MYH2: variants seen among roughly 807,000 people sequenced by gnomAD.
MYH2 encodes the protein myosin-2.
In MYH2, 139 loss-of-function variants were observed where a neutral mutation model predicts 228.1. The ratio of observed to expected loss-of-function variants is 0.61; its 90% CI spans 0.53 to 0.70. The LOEUF (loss-of-function observed/expected upper bound fraction) is 0.70, where lower values mean the gene tolerates loss of function less well. Ranked by LOEUF, MYH2 falls within the 30% of genes least tolerant of loss-of-function variation. The pLI is 0.00. For missense variants in MYH2, 1,809 were observed against 2,357.5 expected, an observed-to-expected ratio of 0.77 and a Z score of 4.82; for synonymous variants, 796 against 871.1, an observed-to-expected ratio of 0.91 and a Z score of 1.52.
At chr17:10,531,912 A>G in intron 21 of MYH2, 24 bp from the exon 22 acceptor site, 1 of 1,613,642 alleles carries the variant, frequency 6.2e-7, no homozygotes. Flanking sequence ...GATGCAAATT[A>G]GTATTGTGTG....
rs1330607394 is a variant in MYH2, at chr17:10,540,057, C to T, written c.1018G>A (p.Asp340Asn). The part of the protein sequence containing the change: ...EELMATDSAI[D>N]ILGFTNEEKV... The stretch of plus-strand genomic sequence containing the variant: ...TCTTCATTAGTAAAGCCCAAAATAT[C>T]AATAGCACTCTGTCAATATAACCAA... The change falls in exon 12 of 40, where the codon GAT (aspartate) becomes AAT (asparagine). Residue 340 changes from aspartate to asparagine, a missense_variant. Asp to Asn is a conservative substitution (Grantham distance 23, BLOSUM62 1). This residue lies in a region of MYH2 where 373 missense variants were observed against 620.4 expected (regional missense o/e 0.60). Coordinates refer to ENST00000245503, the MANE Select transcript of MYH2 (RefSeq NM_017534.6). 2 of 1,613,976 alleles carry T rather than the reference C, an allele frequency of 1.2e-6. No individual in the cohort carries two copies. Among genetic ancestry groups the T allele is most frequent in the South Asian group, 2.2e-5 (2 of 91,078 alleles).
intron 4 of MYH2, among the ~76,000 whole-genome samples, chr17:10,546,065 C>G (rs2073625013): frequency 6.6e-6 from 1 of 151,366 alleles, no homozygotes; most frequent in African/African-American, 2.4e-5. Flanking sequence ...TAAGATAATT[C>G]AAATTTATGA....
rs1321517422 is a variant in MYH2 at position 10,526,774 on chromosome 17, C to T, written c.4012G>A (p.Ala1338Thr). The change falls in exon 30 of 40, where the codon GCC (alanine) becomes ACC (threonine). Residue 1338 changes from alanine to threonine, a missense_variant. Physicochemically the swap from Ala to Thr is moderately conservative, Grantham distance 58 (BLOSUM62 0). This residue lies in a region of MYH2 where 636 missense variants were observed against 729.9 expected (regional missense o/e 0.87). Transcript: ENST00000245503. ...CAGTCGTGGCGGGAAGACTGCAGGG[C>T]ATGCGCCAGGGCGTTCTTGGCCTAT... ...EIKAKNALAHALQSSRHDCDL... is the reference protein window; with the variant it reads ...EIKAKNALAHTLQSSRHDCDL... The T allele has an allele frequency of 6.2e-7, 1 of 1,614,120 alleles. No homozygotes were observed. Among genetic ancestry groups the T allele is most frequent in the African/African-American group, 1.3e-5 (1 of 74,938 alleles).
At chr17:10,533,674 G>T in intron 19 of MYH2, 42 bp from the exon 20 acceptor site, 1 of 1,604,536 alleles carries the variant, frequency 6.2e-7, no homozygotes, top group South Asian at 1.1e-5. Context: ...GTTTACTGAT[G>T]ACACAAATGC....
At chr17:10,542,071 C>T (rs559796978) in intron 10 of MYH2, among the ~76,000 whole-genome samples, 13 of 152,270 alleles carry the variant, frequency 8.5e-5, no homozygotes, top group Middle Eastern at 3.4e-3. Flanking sequence ...GTCAGGAGTT[C>T]GAGACCAGCC....
Position 10,528,688 on chromosome 17 carries a change from A to G in MYH2, c.3744+2T>C, listed in dbSNP as rs761825434. On this transcript the variant is annotated splice_donor_variant, in intron 27 of 39. Transcript: ENST00000245503. LOFTEE classifies it high-confidence loss of function. ...ATAACAATTTCCCAGAATTTGTAGT[A>G]CCTTGGCTTTGGAGACCGTTTCTAC... The G allele has an allele frequency of 2.1e-5, 34 of 1,613,900 alleles. No individual in the cohort carries two copies. The highest frequency in any genetic ancestry group is 2.8e-5 in the Non-Finnish European group (33 of 1,179,912).
At chr17:10,526,492 C>T (rs932952908) in intron 30 of MYH2, 107 bp downstream of exon 30, 5 of 1,540,564 alleles carry the variant, frequency 3.2e-6, no homozygotes, top group Non-Finnish European at 4.5e-6. Context: ...CACATAAAAG[C>T]AGATTAATGA....
intron 21 of MYH2, among the ~76,000 whole-genome samples, chr17:10,532,557 T>C (rs930597442): frequency 6.6e-6 from 1 of 152,204 alleles, no homozygotes; most frequent in Non-Finnish European, 1.5e-5. Context: ...TAAAATGGAA[T>C]ATAGTTGAAA....
rs749188513 is a variant in MYH2 at position 10,523,569 on chromosome 17, T to G, written c.5399A>C (p.Gln1800Pro). 6.2e-7 allele frequency: 1 copy of G among 1,614,230 alleles called. No individual in the cohort carries two copies. Residue 1800 changes from glutamine (Q) to proline (P), a missense_variant, in exon 37 of 40, where the codon CAG (glutamine) becomes CCG (proline). This residue lies in a region of MYH2 where 278 missense variants were observed against 308.5 expected (regional missense o/e 0.90). Transcript: ENST00000245503. Reference sequence around the variant, plus strand: ...CTGCTCAGCCTCATCCAGACGGAGCTGCAGATCCTTCACGGTCTGCTCCAT... The same window carrying G: ...CTGCTCAGCCTCATCCAGACGGAGCGGCAGATCCTTCACGGTCTGCTCCAT... ...KNMEQTVKDLQLRLDEAEQLA... is the reference protein window; with the variant it reads ...KNMEQTVKDLPLRLDEAEQLA...
intron 28 of MYH2, 63 bp from the exon 29 acceptor site, chr17:10,527,119 TAGAA>T: frequency 4.7e-6 from 7 of 1,477,450 alleles, no homozygotes; most frequent in Admixed American, 3.3e-5. Context: ...AAGCCCATGT[TAGAA>T]AGAAATTTTG....
Position 10,547,728 on chromosome 17 carries a change from C to T in MYH2, c.193G>A (p.Glu65Lys), listed in dbSNP as rs767472238. 6.2e-7 allele frequency: 1 copy of T among 1,614,232 alleles called. No homozygotes were observed. The highest frequency in any genetic ancestry group is 8.5e-7 in the Non-Finnish European group (1 of 1,180,042). Residue 65 changes from glutamate (E) to lysine (K), a missense_variant, in exon 3 of 40, where the codon GAG becomes AAG. Glu to Lys is a moderately conservative substitution (Grantham distance 56). Around this residue, in one of 9 missense-constraint regions of MYH2, gnomAD observed 84 missense variants for 81.8 expected, o/e 1.03. Transcript: ENST00000245503. ...REGGKVTVKT[E>K]GGATLTVKDD... ...GGGATTCTACTCACCGCTCCTCCCTCAGTCTTCACCGTCACTTTTCCTCCT... is the reference window on the plus strand; with the variant it reads ...GGGATTCTACTCACCGCTCCTCCCTTAGTCTTCACCGTCACTTTTCCTCCT...
At chr17:10,534,796 A>G (rs1203400941) in intron 19 of MYH2, among the ~76,000 whole-genome samples, 1 of 152,186 alleles carries the variant, frequency 6.6e-6, no homozygotes, top group African/African-American at 2.4e-5. Context: ...ATATGCCTGT[A>G]GTCCCAGCTA....
chr17:10,530,820 G>C (rs1207803902), intron 22 of MYH2, among the ~76,000 whole-genome samples: 2 of 152,080 alleles, frequency 1.3e-5, no homozygotes, highest in African/African-American at 2.4e-5. Flanking sequence ...GAGAATACAG[G>C]GTAGATTTGG....
rs922222222 is a variant in MYH2 at position 10,545,264 on chromosome 17, G to A, written c.505+82C>T. 5.0e-6 allele frequency: 8 copies of A among 1,606,136 alleles called. No homozygotes were observed. In the East Asian group the frequency reaches 1.3e-4, roughly 27 times the overall value. ...ACTAAAAGGGACGATCTCAAGGAATGTGTTGAGATTGCCTCGAGTCTCTTT... is the reference window on the plus strand; with the variant it reads ...ACTAAAAGGGACGATCTCAAGGAATATGTTGAGATTGCCTCGAGTCTCTTT... On this transcript the variant is annotated intron_variant, in intron 5 of 39. Transcript: ENST00000245503.
chr17:10,539,287 C>A lies in MYH2; in HGVS notation c.1334G>T (p.Arg445Leu), dbSNP rs201040489. The A allele has an allele frequency of 6.2e-7, 1 of 1,614,192 alleles. No homozygotes were observed. The highest frequency in any genetic ancestry group is 8.5e-7 in the Non-Finnish European group (1 of 1,180,038). Reference protein sequence around the residue: ...YEKMFLWMVARINQQLDTKQP... With the variant: ...YEKMFLWMVALINQQLDTKQP... Reference sequence around the variant, plus strand: ...CTTGGTGTCCAGCTGCTGGTTGATGCGGGCAACCATCCACAGGAACATCTT... The same window carrying A: ...CTTGGTGTCCAGCTGCTGGTTGATGAGGGCAACCATCCACAGGAACATCTT... The change falls in exon 14 of 40, where the codon CGC (arginine) becomes CTC (leucine). Residue 445 changes from arginine (R) to leucine (L), a missense_variant. By Grantham distance (102) the Arg-to-Leu change is moderately radical (BLOSUM62 -2). Around this residue, in one of 9 missense-constraint regions of MYH2, gnomAD observed 373 missense variants for 620.4 expected, o/e 0.60. Coordinates refer to ENST00000245503, the MANE Select transcript of MYH2 (RefSeq NM_017534.6).
At chr17:10,522,948 C>T (rs1008327506) in intron 39 of MYH2, 142 bp downstream of exon 39, 9 of 662,496 alleles carry the variant, frequency 1.4e-5, no homozygotes, top group Non-Finnish European at 2.1e-5. Flanking sequence ...ACTGATATTA[C>T]AAATGATACA....
intron 16 of MYH2, 124 bp from the exon 17 acceptor site, chr17:10,536,730 C>T: frequency 1.2e-6 from 1 of 849,382 alleles, no homozygotes; most frequent in Non-Finnish European, 1.9e-6. Flanking sequence ...TCTGATTGAG[C>T]CTGAATGAAT....
At position 10,537,942 on chromosome 17, in the gene MYH2, G is replaced by C. The variant is rs967251154; in HGVS notation, c.1417-107C>G. On this transcript the variant is annotated intron_variant, in intron 14 of 39. Transcript: ENST00000245503. The surrounding 1 kb of genome is among the most constrained non-coding windows in gnomAD (Gnocchi z 4.0). ...TGTGTCCAAGAGCCTTTATATTACA[G>C]ATATTAAAATCACTGGGTTAAAGAG... The C allele has an allele frequency of 5.1e-6, 8 of 1,568,230 alleles. No individual in the cohort carries two copies. In the African/African-American group the frequency reaches 1.1e-4, roughly 21 times the overall value.
intron 1 of MYH2, 90 bp from the exon 2 acceptor site, chr17:10,549,507 G>A (rs149978439): frequency 3.8e-4 from 58 of 152,560 alleles, no homozygotes; most frequent in African/African-American, 1.4e-3. Context: ...ATTGTAAACA[G>A]AAGTAACAAA....
Sources: allele counts gnomAD v4.1 joint callset (sites outside exome capture counted in the v4.1 genomes callset), GRCh38; gene constraint gnomAD v4.1.1; regional missense constraint gnomAD v4.1.1; non-coding constraint Gnocchi (gnomAD v3.1); transcripts MANE v1.5; gene names NCBI Gene and HGNC (gene_info 2026-07-23, HGNC 2026-07-21).